UFL1: variants seen among roughly 807,000 people sequenced by gnomAD.
UFL1 encodes UFM1 specific ligase 1, also known as E3 UFM1-protein ligase 1.
In UFL1, 78 loss-of-function variants were observed where a neutral mutation model predicts 99.3. That is an observed-to-expected ratio of 0.79 (90% CI 0.65 to 0.95). UFL1 has a LOEUF of 0.95. Ranked by LOEUF, UFL1 falls within the 40% of genes least tolerant of loss-of-function variation. The pLI, the probability that UFL1 is intolerant of heterozygous loss-of-function variation, is 0.00. For synonymous variants in UFL1, 335 were observed against 322.2 expected, an observed-to-expected ratio of 1.04 and a Z score of -0.42; for missense variants, 936 against 937.0, an observed-to-expected ratio of 1.00 and a Z score of 0.01.
chr6:96,553,961 C>T lies in UFL1; in HGVS notation c.*458C>T, dbSNP rs1049789579. On this transcript the variant is annotated 3_prime_UTR_variant, in exon 19 of 19. Coordinates refer to ENST00000369278, the MANE Select transcript of UFL1 (RefSeq NM_015323.5). Reference sequence around the variant, plus strand: ...TTTTTTAAAAGAAACACTTCTGTGTCAGAAATGAAAATAAATCATGTTTTT... The same window carrying T: ...TTTTTTAAAAGAAACACTTCTGTGTTAGAAATGAAAATAAATCATGTTTTT... The T allele has an allele frequency of 1.3e-5, 2 of 151,454 alleles. No homozygotes were observed. The highest frequency in any genetic ancestry group is 4.9e-5 in the African/African-American group (2 of 41,140). 9.4% of individuals were successfully genotyped at this position (151,454 alleles called of 1,614,324 possible).
intron 12 of UFL1, among the ~76,000 whole-genome samples, chr6:96,546,376 C>T (rs1769998444): frequency 6.7e-6 from 1 of 150,118 alleles, no homozygotes; most frequent in African/African-American, 2.4e-5. Context: ...ATGACACAAA[C>T]AAATAGAAAG....
chr6:96,547,434 G>C (rs1770016322), intron 12 of UFL1, among the ~76,000 whole-genome samples: 1 of 151,538 alleles, frequency 6.6e-6, no homozygotes, highest in Non-Finnish European at 1.5e-5. Flanking sequence ...ACTAAAATTA[G>C]AACTACTATT....
chr6:96,549,260 ATTGT>A, intron 13 of UFL1, 148 bp from the exon 14 acceptor site: 1 of 556,622 alleles, frequency 1.8e-6, no homozygotes, highest in Non-Finnish European at 2.9e-6. Context: ...TGTGGAACAA[ATTGT>A]TAGTGAACTT....
chr6:96,527,141 T>G (rs933311125), intron 5 of UFL1, among the ~76,000 whole-genome samples: 1 of 152,042 alleles, frequency 6.6e-6, no homozygotes, highest in African/African-American at 2.4e-5. Context: ...TGTTTTTTTT[T>G]GTTTGTTTTT....
At position 96,536,253 on chromosome 6, in the gene UFL1, A is replaced by G. The variant is rs1327022270; in HGVS notation, c.665A>G (p.Glu222Gly). 3.7e-6 allele frequency: 6 copies of G among 1,608,708 alleles called. No homozygotes were observed. Among genetic ancestry groups the G allele is most frequent in the Non-Finnish European group, 5.1e-6 (6 of 1,176,288 alleles). ...FQEQLLYSVL[E>G]ELVNSGRLRG... ...GTGGGTTTGTTTTAAGCTGTGCTTG[A>G]GGAACTTGTTAATAGCGGACGCTTA... The change falls in exon 8 of 19, where the codon GAG (glutamate) becomes GGG (glycine). Residue 222 changes from glutamate to glycine, a missense_variant. Glu to Gly is a moderately conservative substitution (Grantham distance 98). Transcript: ENST00000369278.
Position 96,536,380 on chromosome 6 carries a change from T to G in UFL1, c.792T>G (p.Asn264Lys), listed in dbSNP as rs1188904037. ...STWVDSFFRQ[N>K]GYLEFDALSR... ...GGGTGGATTCCTTTTTCAGGCAGAA[T>G]GGCTATCTAGGTAACTTTCTTATTT... The change falls in exon 8 of 19, where the codon AAT becomes AAG. Residue 264 changes from asparagine (N) to lysine (K), a missense_variant. Coordinates refer to ENST00000369278, the MANE Select transcript of UFL1 (RefSeq NM_015323.5). The G allele has an allele frequency of 6.2e-7, 1 of 1,601,884 alleles. No homozygotes were observed. Among genetic ancestry groups the G allele is most frequent in the East Asian group, 2.2e-5 (1 of 44,792 alleles).
chr6:96,549,706 G>C lies in UFL1; in HGVS notation c.1725G>C (p.Lys575Asn). The change falls in exon 15 of 19, where the codon AAG becomes AAC. Residue 575 changes from lysine (K) to asparagine (N), a missense_variant. Coordinates refer to ENST00000369278, the MANE Select transcript of UFL1 (RefSeq NM_015323.5). ...CTGCTCTTACCAAACACTTGCTGAA[G>C]TCAGTGTGTACTGATATCACTAACC... Reference protein sequence around the residue: ...TQAALTKHLLKSVCTDITNLI... With the variant: ...TQAALTKHLLNSVCTDITNLI... 6.2e-7 allele frequency: 1 copy of C among 1,612,152 alleles called. No homozygotes were observed. The highest frequency in any genetic ancestry group is 8.5e-7 in the Non-Finnish European group (1 of 1,178,824).
In UFL1 at chr6:96,538,692, G is replaced by A; in HGVS notation, c.1040G>A (p.Arg347Lys). Residue 347 changes from arginine to lysine, a missense_variant, in exon 10 of 19, where the codon AGG (arginine) becomes AAG (lysine). By Grantham distance (26) the Arg-to-Lys change is conservative. Transcript: ENST00000369278. ...DAAILLQQVM[R>K]AFSKQASTVV... ...GCCATATTGCTTCAGCAGGTGATGAGGGCATTCAGCAAACAGGCCTCAACT... is the reference window on the plus strand; with the variant it reads ...GCCATATTGCTTCAGCAGGTGATGAAGGCATTCAGCAAACAGGCCTCAACT... 1 of 1,611,606 alleles carries A rather than the reference G, an allele frequency of 6.2e-7. No individual in the cohort carries two copies. The highest frequency in any genetic ancestry group is 8.5e-7 in the Non-Finnish European group (1 of 1,178,404).
intron 6 of UFL1, among the ~76,000 whole-genome samples, chr6:96,532,104 T>C (rs549420540): frequency 8.3e-4 from 127 of 152,324 alleles, no homozygotes; most frequent in African/African-American, 2.9e-3. Context: ...TGTATGTAGG[T>C]ATACTAAATA....
chr6:96,540,456 TAGTG>T (rs751512648), intron 10 of UFL1, 75 bp from the exon 11 acceptor site: 9 of 1,478,900 alleles, frequency 6.1e-6, no homozygotes, highest in Middle Eastern at 2.5e-4. Flanking sequence ...CAAGAATAAT[TAGTG>T]AGTATATAAA....
At chr6:96,535,417 A>G (rs1317447263) in intron 7 of UFL1, among the ~76,000 whole-genome samples, 1 of 151,990 alleles carries the variant, frequency 6.6e-6, no homozygotes, top group Non-Finnish European at 1.5e-5. Flanking sequence ...AAAAATATAA[A>G]TTTGCTATTA....
At position 96,549,269 on chromosome 6, in the gene UFL1, G is replaced by A. The variant is rs146162562; in HGVS notation, c.1521-143G>A. On this transcript the variant is annotated intron_variant, in intron 13 of 18. Coordinates refer to ENST00000369278, the MANE Select transcript of UFL1 (RefSeq NM_015323.5). ...TAGGGTTGTGGAACAAATTGTTAGT[G>A]AACTTGTCTCCAAATTAATTTTATT... The A allele has an allele frequency of 5.1e-6, 3 of 593,534 alleles. 1 individual carries two copies. The highest frequency in any genetic ancestry group is 7.9e-6 in the Non-Finnish European group (3 of 381,972). The allele number at this position is 593,534 out of a possible 1,614,324, so 36.8% of individuals were successfully genotyped here.
At chr6:96,531,925 G>GTATTTAAA (rs1414791032) in intron 6 of UFL1, among the ~76,000 whole-genome samples, 2 of 152,082 alleles carry the variant, frequency 1.3e-5, no homozygotes, top group African/African-American at 4.8e-5. Flanking sequence ...CCATATCTTT[G>GTATTTAAA]TATTTGTCTC....
chr6:96,527,293 T>C (rs973366040), intron 5 of UFL1, among the ~76,000 whole-genome samples: 5 of 152,184 alleles, frequency 3.3e-5, no homozygotes, highest in African/African-American at 1.2e-4. Flanking sequence ...TCACATTATG[T>C]ATCTGTAAAA....
intron 18 of UFL1, 26 bp from the exon 19 acceptor site, chr6:96,553,259 A>T (rs1336495209): frequency 6.3e-7 from 1 of 1,597,244 alleles, no homozygotes; most frequent in African/African-American, 1.3e-5. Flanking sequence ...AATTGTGTTG[A>T]TTAACTTTTC....
rs1769621486 is a variant in UFL1, at chr6:96,522,090, C to T, written c.77+140C>T. The T allele has an allele frequency of 1.2e-5, 12 of 1,041,952 alleles. No homozygotes were observed. In the South Asian group the frequency reaches 1.5e-4, roughly 13 times the overall value. The allele number at this position is 1,041,952 out of a possible 1,614,324, so 64.5% of individuals were successfully genotyped here. A position where few individuals can be genotyped will look rare whatever the true frequency, so the allele number is the denominator to read the frequency against. ...CCATTCTCTCCTCCTCCCTCTGTCC[C>T]GAGCCTGGATCGCAGTTCCAAGTCC... On this transcript the variant is annotated intron_variant, in intron 1 of 18. Coordinates refer to ENST00000369278, the MANE Select transcript of UFL1 (RefSeq NM_015323.5).
At chr6:96,548,538 T>TA (rs1370881264) in intron 13 of UFL1, among the ~76,000 whole-genome samples, 2 of 151,636 alleles carry the variant, frequency 1.3e-5, no homozygotes, top group Non-Finnish European at 3.0e-5. Flanking sequence ...TCACCCATCT[T>TA]ACAGTCATAG....
chr6:96,521,829 T>C lies in UFL1; in HGVS notation c.-45T>C, dbSNP rs568507071. 5.8e-5 allele frequency: 92 copies of C among 1,585,772 alleles called. 1 individual carries two copies. The highest frequency in any genetic ancestry group is 7.8e-5 in the Non-Finnish European group (91 of 1,166,288). The stretch of plus-strand genomic sequence containing the variant: ...CTCTCTTCTCCCACCGCCTGTCGGC[T>C]GACGTGTCTGCAGTTCCTCCGCGTC... On this transcript the variant is annotated 5_prime_UTR_variant, in exon 1 of 19. Transcript: ENST00000369278.
intron 16 of UFL1, 50 bp from the exon 17 acceptor site, chr6:96,551,788 C>G (rs1341568748): frequency 2.4e-6 from 3 of 1,225,052 alleles, no homozygotes; most frequent in Non-Finnish European, 3.5e-6. Flanking sequence ...GCTATACTTC[C>G]TTATGCAGTT....
Sources: gnomAD v4.1 joint callset for allele counts (sites outside exome capture counted in the v4.1 genomes callset) on GRCh38, gnomAD v4.1.1 for gene constraint, MANE v1.5 for transcripts, NCBI Gene and HGNC (gene_info 2026-07-23, HGNC 2026-07-21) for gene names.